The following ZAP70 variants were observed in gnomAD, a reference collection of about 807,000 sequenced individuals.
ZAP70 encodes zeta chain of T cell receptor associated protein kinase 70, also known as tyrosine-protein kinase ZAP-70.
Under a neutral mutation model 65.8 loss-of-function variants are expected in ZAP70, and 27 were observed. That is an observed-to-expected ratio of 0.41 (90% CI 0.30 to 0.57). The LOEUF (loss-of-function observed/expected upper bound fraction) is 0.57. Among genes scored for constraint, ZAP70 ranks in the 20% least tolerant of loss-of-function variants. The probability of loss-of-function intolerance (pLI) is 0.28; values close to 1 mark genes in which losing one functional copy is unlikely to be tolerated. For synonymous variants in ZAP70, 363 were observed against 360.8 expected, an observed-to-expected ratio of 1.01 and a Z score of -0.07; for missense variants, 696 against 870.5, an observed-to-expected ratio of 0.80 and a Z score of 2.52.
At position 97,731,538 on chromosome 2, in the gene ZAP70, G is replaced by A. The variant is rs1338407849; in HGVS notation, c.564-1345G>A. Among the ~76,000 whole-genome samples the A allele has an allele frequency of 1.3e-5, 2 of 152,162 alleles. No homozygotes were observed. The highest frequency in any genetic ancestry group is 4.8e-5 in the African/African-American group (2 of 41,434). On this transcript the variant is annotated intron_variant, in intron 4 of 13. Coordinates refer to ENST00000264972, the MANE Select transcript of ZAP70 (RefSeq NM_001079.4). The surrounding 1 kb of genome is among the most constrained non-coding windows in gnomAD (Gnocchi z 4.0). ...GTTATCTCCAGACTGTTGTGGGCTA[G>A]CCTGGGAACTGCCCCACCCTTCACT... is the stretch of plus-strand genomic sequence containing the variant.
downstream of ZAP70, among the ~76,000 whole-genome samples, chr2:97,742,024 A>C (rs1318093122): frequency 6.6e-6 from 1 of 152,188 alleles, no homozygotes. Flanking sequence ...ACCGTAAAGA[A>C]AGTATCCCAG....
chr2:97,745,776 G>T, the ZAP70 span, among the ~76,000 whole-genome samples: 1 of 152,196 alleles, frequency 6.6e-6, no homozygotes, highest in Non-Finnish European at 1.5e-5. Flanking sequence ...CTAAACATGG[G>T]CTGACCATCG....
Position 97,733,007 on chromosome 2 carries a change from G to C in ZAP70, c.688G>C (p.Asp230His). ...CTGCATTCCCGAGGGCACCAAGTTT[G>C]ACACGCTCTGGCAGGTAGGCTGCCC... ...KYCIPEGTKF[D>H]TLWQLVEYLK... The change falls in exon 5 of 14, where the codon GAC becomes CAC. Residue 230 changes from aspartate to histidine, a missense_variant. By Grantham distance (81) the Asp-to-His change is moderately conservative (BLOSUM62 -1). This residue lies in a region of ZAP70 where 551 missense variants were observed against 630.0 expected (regional missense o/e 0.87). Coordinates refer to ENST00000264972, the MANE Select transcript of ZAP70 (RefSeq NM_001079.4). The C allele has an allele frequency of 1.2e-6, 2 of 1,614,146 alleles. No individual in the cohort carries two copies. The highest frequency in any genetic ancestry group is 1.7e-6 in the Non-Finnish European group (2 of 1,180,038).
In ZAP70 at chr2:97,717,092, C is replaced by T. The variant is rs374840815; in HGVS notation, c.-22+3098C>T. Reference sequence around the variant, plus strand: ...GCGTCACCAAGCTGGCGTGTGCTGACGACCAGTGCCTATGCTGCCTCTGTT... The same window carrying T: ...GCGTCACCAAGCTGGCGTGTGCTGATGACCAGTGCCTATGCTGCCTCTGTT... On this transcript the variant is annotated intron_variant, in intron 2 of 13. Coordinates refer to ENST00000264972, the MANE Select transcript of ZAP70 (RefSeq NM_001079.4). Among the ~76,000 whole-genome samples, 101 of 152,352 alleles carry T rather than the reference C, an allele frequency of 6.6e-4. 1 individual carries two copies. The highest frequency in any genetic ancestry group is 1.7e-3 in the African/African-American group (70 of 41,578).
At chr2:97,724,778 A>C in intron 3 of ZAP70, 3 of 1,502,600 alleles carry the variant, frequency 2.0e-6, no homozygotes, top group Non-Finnish European at 2.7e-6. Context: ...CCCTTAGGGT[A>C]GGGTGGCTGT....
At position 97,737,455 on chromosome 2, in the gene ZAP70, C is replaced by G. The variant is rs374216712; in HGVS notation, c.1290-18C>G. The G allele has an allele frequency of 4.3e-6, 7 of 1,613,730 alleles. No homozygotes were observed. In the East Asian group the frequency reaches 1.6e-4, roughly 36 times the overall value. On this transcript the variant is annotated intron_variant, in intron 10 of 13. Transcript: ENST00000264972. The surrounding 1 kb of genome is among the most constrained non-coding windows in gnomAD (Gnocchi z 5.0). ...GCTAGTCTTCTCCCAGCTGACCCCG[C>G]CTTCCCCGCCACCCCAGGGAGGAGA...
the ZAP70 span, among the ~76,000 whole-genome samples, chr2:97,750,983 A>C: frequency 6.6e-6 from 1 of 152,234 alleles, no homozygotes; most frequent in Non-Finnish European, 1.5e-5. Flanking sequence ...CAGAGTATGC[A>C]TGAAGAGCAA....
At position 97,724,019 on chromosome 2, in the gene ZAP70, T is replaced by G. The variant is rs189212561; in HGVS notation, c.-18T>G. ...CCGACCCTCTGTGAACCCGCAGGTT[T>G]CGGGAGGCCCAGGGGCGATGCCAGA... On this transcript the variant is annotated 5_prime_UTR_variant, in exon 3 of 14. Coordinates refer to ENST00000264972, the MANE Select transcript of ZAP70 (RefSeq NM_001079.4). 1.3e-4 allele frequency: 206 copies of G among 1,544,714 alleles called. No individual in the cohort carries two copies. The highest frequency in any genetic ancestry group is 1.7e-4 in the Non-Finnish European group (192 of 1,151,862).
Position 97,725,191 on chromosome 2 carries a change from C to T in ZAP70, c.502C>T (p.Leu168=). 6.2e-7 allele frequency: 1 copy of T among 1,614,206 alleles called. No homozygotes were observed. Among genetic ancestry groups the T allele is most frequent in the Non-Finnish European group, 8.5e-7 (1 of 1,180,030 alleles). Residue 168 remains leucine, a synonymous_variant, in exon 4 of 14, where the codon CTG becomes TTG. Coordinates refer to ENST00000264972, the MANE Select transcript of ZAP70 (RefSeq NM_001079.4). The stretch of plus-strand genomic sequence containing the variant: ...GCGGATGCCCTGGTACCACAGCAGC[C>T]TGACGCGTGAGGAGGCCGAGCGCAA... ...HERMPWYHSS[L]TREEAERKLY... is the part of the protein sequence containing the mutation.
chr2:97,733,852 C>T, intron 8 of ZAP70: 1 of 587,712 alleles, frequency 1.7e-6, no homozygotes, highest in Non-Finnish European at 3.1e-6. Flanking sequence ...TTGTTGAGTA[C>T]CTACTATGTG....
Position 97,733,918 on chromosome 2 carries a change from C to G in ZAP70, c.889+323C>G, listed in dbSNP as rs1278852967. 7.3e-5 allele frequency: 35 copies of G among 477,716 alleles called. No homozygotes were observed. In the East Asian group the frequency reaches 1.4e-3, roughly 19 times the overall value. 29.6% of individuals were successfully genotyped at this position (477,716 alleles called of 1,614,324 possible). On this transcript the variant is annotated intron_variant, in intron 8 of 13. Coordinates refer to ENST00000264972, the MANE Select transcript of ZAP70 (RefSeq NM_001079.4). ...GAGCCACCGAACCCTCCTGACATGC[C>G]TTATGAAGTGGCTATGGTGATTAAC...
At chr2:97,729,986 G>A (rs539156958) in intron 4 of ZAP70, among the ~76,000 whole-genome samples, 1 of 152,284 alleles carries the variant, frequency 6.6e-6, no homozygotes, top group East Asian at 1.9e-4. Context: ...CAGCACTTTG[G>A]GAAGCTGAGG....
chr2:97,755,210 G>A, the ZAP70 span, among the ~76,000 whole-genome samples: 22 of 152,238 alleles, frequency 1.4e-4, no homozygotes, highest in African/African-American at 3.9e-4. Context: ...GACTCGCCTC[G>A]TGTCTGTGTG....
At chr2:97,723,284 A>G (rs1009667193) in intron 2 of ZAP70, among the ~76,000 whole-genome samples, 2 of 152,246 alleles carry the variant, frequency 1.3e-5, no homozygotes, top group African/African-American at 2.4e-5. Context: ...GGGCAGGGCG[A>G]GGGGTGCCTG....
intron 4 of ZAP70, 74 bp downstream of exon 4, chr2:97,725,326 C>A: frequency 6.3e-7 from 1 of 1,575,548 alleles, no homozygotes; most frequent in Non-Finnish European, 8.7e-7. Flanking sequence ...CTGGGGCAGA[C>A]GTGAGTGTGC....
chr2:97,730,946 T>C (rs111518023), intron 4 of ZAP70, among the ~76,000 whole-genome samples: 1 of 151,392 alleles, frequency 6.6e-6, no homozygotes, highest in African/African-American at 2.4e-5. Flanking sequence ...TCCCAGCTAC[T>C]TGGGAGGCTG....
chr2:97,720,957 A>T (rs1553572494), intron 2 of ZAP70, among the ~76,000 whole-genome samples: 1 of 151,940 alleles, frequency 6.6e-6, no homozygotes, highest in Non-Finnish European at 1.5e-5. Context: ...TCACAAAAGC[A>T]TTCATTTTAC....
At chr2:97,727,348 C>G (rs1677430068) in intron 4 of ZAP70, among the ~76,000 whole-genome samples, 1 of 152,238 alleles carries the variant, frequency 6.6e-6, no homozygotes, top group South Asian at 2.1e-4. Flanking sequence ...GGGGCTGTCT[C>G]TCTTTCCTTT....
intron 4 of ZAP70, among the ~76,000 whole-genome samples, chr2:97,727,036 T>C (rs951658385): frequency 6.6e-6 from 1 of 152,232 alleles, no homozygotes; most frequent in Non-Finnish European, 1.5e-5. Flanking sequence ...ACCTGGGTGA[T>C]GGGGATGAGC....
Sources: gnomAD v4.1 joint callset for allele counts (sites outside exome capture counted in the v4.1 genomes callset) on GRCh38, gnomAD v4.1.1 for gene constraint, gnomAD v4.1.1 regional missense constraint, Gnocchi (gnomAD v3.1) non-coding constraint, MANE v1.5 for transcripts, NCBI Gene and HGNC (gene_info 2026-07-23, HGNC 2026-07-21) for gene names.